CEP63: variants seen among roughly 807,000 people sequenced by gnomAD.
The protein encoded by CEP63 is centrosomal protein 63.
A neutral mutation model predicts 89.1 loss-of-function variants in CEP63; 84 were observed. That is an observed-to-expected ratio of 0.94 (90% CI 0.79 to 1.13). The LOEUF is 1.13. Ranked by LOEUF, CEP63 falls within the 50% of genes most tolerant of loss-of-function variation. CEP63 has a pLI of 0.00. For synonymous variants in CEP63, 267 were observed against 272.5 expected (o/e 0.98, Z 0.20); for missense variants, 838 against 813.3 (o/e 1.03, Z -0.37).
the CEP63 span, among the ~76,000 whole-genome samples, chr3:134,655,759 G>A: frequency 3.3e-5 from 5 of 152,188 alleles, no homozygotes; most frequent in Non-Finnish European, 4.4e-5. Context: ...CAATCACGAT[G>A]AACACACCTT....
At chr3:134,492,070 C>CTTTTTTT (rs74269453) in intron 1 of CEP63, among the ~76,000 whole-genome samples, 15 of 103,668 alleles carry the variant, frequency 1.4e-4, no homozygotes, top group East Asian at 2.8e-4. Context: ...TATTTGTATT[C>CTTTTTTT]TTTTTTTTTT....
At chr3:134,613,463 A>T in the CEP63 span, among the ~76,000 whole-genome samples, 1 of 152,118 alleles carries the variant, frequency 6.6e-6, no homozygotes, top group Non-Finnish European at 1.5e-5. Flanking sequence ...TACTGCTCTG[A>T]GTGGGGGTGA....
chr3:134,593,314 A>C, the CEP63 span, among the ~76,000 whole-genome samples: 36 of 152,300 alleles, frequency 2.4e-4, no homozygotes, highest in African/African-American at 8.7e-4. Flanking sequence ...AGTACTTACT[A>C]TGTGCCCGGG....
the CEP63 span, among the ~76,000 whole-genome samples, chr3:134,686,000 A>G: frequency 2.0e-5 from 3 of 152,200 alleles, no homozygotes; most frequent in African/African-American, 7.2e-5. Context: ...GACTTGCTCC[A>G]AGTCAATCAG....
downstream of CEP63, chr3:134,575,020 T>G (rs1958164690): frequency 2.5e-6 from 1 of 403,576 alleles, no homozygotes; most frequent in African/African-American, 2.1e-5. Flanking sequence ...TTAACACTAT[T>G]TTGCCAAAGC....
At chr3:134,719,656 A>G in the CEP63 span, among the ~76,000 whole-genome samples, 3 of 152,124 alleles carry the variant, frequency 2.0e-5, no homozygotes, top group Non-Finnish European at 2.9e-5. Flanking sequence ...CCAGCCTTAA[A>G]CAATCATTAA....
the CEP63 span, among the ~76,000 whole-genome samples, chr3:134,656,212 G>A: frequency 6.6e-6 from 1 of 152,206 alleles, no homozygotes; most frequent in Non-Finnish European, 1.5e-5. Context: ...TCCCCAAACA[G>A]TGTCCTCAGG....
chr3:134,601,966 G>A, the CEP63 span, among the ~76,000 whole-genome samples: 2 of 130,830 alleles, frequency 1.5e-5, no homozygotes, highest in African/African-American at 5.7e-5. Context: ...CACCTCTGTA[G>A]CCCAAGCATC....
the CEP63 span, among the ~76,000 whole-genome samples, chr3:134,702,689 A>G: frequency 6.6e-6 from 1 of 152,234 alleles, no homozygotes; most frequent in Non-Finnish European, 1.5e-5. Flanking sequence ...AAAGGAAGAC[A>G]TACATGCAGC....
the CEP63 span, among the ~76,000 whole-genome samples, chr3:134,773,914 T>C: frequency 8.1e-4 from 123 of 152,288 alleles, no homozygotes; most frequent in African/African-American, 2.8e-3. Flanking sequence ...GGAGGGTCTG[T>C]CTCTCTCAGT....
At chr3:134,650,238 G>T in the CEP63 span, among the ~76,000 whole-genome samples, 5 of 152,196 alleles carry the variant, frequency 3.3e-5, no homozygotes, top group Middle Eastern at 3.2e-3. Flanking sequence ...AAGTTCAAGT[G>T]GAGACAGCAG....
At chr3:134,569,094 A>G (rs1957911240), downstream of CEP63, among the ~76,000 whole-genome samples, 1 of 152,312 alleles carries the variant, frequency 6.6e-6, no homozygotes, top group South Asian at 2.1e-4. Flanking sequence ...ACCTGCCCCC[A>G]TGATTCAACC....
chr3:134,590,523 A>G (rs1958578526), downstream of CEP63, among the ~76,000 whole-genome samples: 1 of 152,216 alleles, frequency 6.6e-6, no homozygotes, highest in Non-Finnish European at 1.5e-5. Context: ...TCTACCAAGC[A>G]TTACTAAGAG....
At chr3:134,637,066 A>T in the CEP63 span, among the ~76,000 whole-genome samples, 3 of 152,242 alleles carry the variant, frequency 2.0e-5, no homozygotes, top group African/African-American at 7.2e-5. Context: ...AAAGAGGGTC[A>T]TTCTCAAACA....
At chr3:134,674,555 T>C in the CEP63 span, among the ~76,000 whole-genome samples, 99,708 of 152,004 alleles carry the variant, frequency 0.66, 33,045 homozygotes, top group East Asian at 0.93. Context: ...CTCTTACCAT[T>C]GCTACTTTAA....
the CEP63 span, among the ~76,000 whole-genome samples, chr3:134,777,159 G>T: frequency 2.0e-3 from 297 of 152,288 alleles, 11 homozygotes; most frequent in South Asian, 0.059. Flanking sequence ...CACATGTTTT[G>T]TATTGACCTC....
chr3:134,725,391 A>G, the CEP63 span, among the ~76,000 whole-genome samples: 1 of 152,038 alleles, frequency 6.6e-6, no homozygotes, highest in Non-Finnish European at 1.5e-5. Context: ...TTACACCCCA[A>G]ATACATATGA....
chr3:134,661,600 G>A, the CEP63 span, among the ~76,000 whole-genome samples: 1 of 152,140 alleles, frequency 6.6e-6, no homozygotes, highest in Non-Finnish European at 1.5e-5. Context: ...CTGGATGAAG[G>A]GGAAGAGACA....
the CEP63 span, chr3:134,650,738 C>T: frequency 1.6e-6 from 2 of 1,264,304 alleles, no homozygotes; most frequent in Non-Finnish European, 2.1e-6. Flanking sequence ...TTCGGGGGAG[C>T]AATGGGCGCC....
Sources: allele counts gnomAD v4.1 joint callset (sites outside exome capture counted in the v4.1 genomes callset), GRCh38; gene constraint gnomAD v4.1.1; transcripts MANE v1.5; gene names NCBI Gene and HGNC (gene_info 2026-07-23, HGNC 2026-07-21).